Variants in BTBD2 observed in about 807,000 individuals in gnomAD.
BTBD2 encodes the protein BTB domain containing 2, also known as BTB/POZ domain-containing protein 2.
In BTBD2, 15 loss-of-function variants were observed where a neutral mutation model predicts 44.0. That is an observed-to-expected ratio of 0.34 (90% CI 0.23 to 0.53). The LOEUF is 0.53. Ranked by LOEUF, BTBD2 falls within the 20% of genes least tolerant of loss-of-function variation. The probability of loss-of-function intolerance (pLI) is 0.95; values close to 1 mark genes in which losing one functional copy is unlikely to be tolerated. For missense variants in BTBD2, 657 were observed against 746.4 expected (o/e 0.88, Z 1.39); for synonymous variants, 443 against 335.9 (o/e 1.32, Z -3.49).
intron 1 of BTBD2, among the ~76,000 whole-genome samples, chr19:1,997,917 C>G (rs750306216): frequency 2.6e-5 from 4 of 152,184 alleles, no homozygotes; most frequent in Admixed American, 6.5e-5. Context: ...CATATTCATT[C>G]ATTAACTAAT....
At chr19:1,989,619 C>G (rs1599347932) in intron 5 of BTBD2, 3 of 301,894 alleles carry the variant, frequency 9.9e-6, no homozygotes, top group South Asian at 9.8e-5. Context: ...AGCAGGGGAC[C>G]CCAAGGCCCA....
intron 1 of BTBD2, among the ~76,000 whole-genome samples, chr19:2,007,713 C>G (rs1025058862): frequency 3.9e-5 from 6 of 152,116 alleles, no homozygotes; most frequent in Non-Finnish European, 7.4e-5. Flanking sequence ...GTAATCCCAG[C>G]CACTCGGGAG....
chr19:2,006,828 A>T (rs2016400768), intron 1 of BTBD2, among the ~76,000 whole-genome samples: 1 of 152,010 alleles, frequency 6.6e-6, no homozygotes, highest in South Asian at 2.1e-4. Flanking sequence ...AGCTGGGATT[A>T]CAGGTGCTCA....
In BTBD2 at chr19:1,997,328, C is replaced by T; in HGVS notation, c.527+16G>A. On this transcript the variant is annotated intron_variant, in intron 2 of 8. Coordinates refer to ENST00000255608, the MANE Select transcript of BTBD2 (RefSeq NM_017797.4). ...CCAGGCCCAGCTCCCCAGCAGGAAG[C>T]ATCCGGAAGCATTACTTGAGCAGTG... 6.2e-7 allele frequency: 1 copy of T among 1,613,990 alleles called. No individual in the cohort carries two copies. The highest frequency in any genetic ancestry group is 8.5e-7 in the Non-Finnish European group (1 of 1,179,958).
intron 2 of BTBD2, among the ~76,000 whole-genome samples, chr19:1,994,781 T>C (rs1198335002): frequency 6.6e-6 from 1 of 151,868 alleles, no homozygotes; most frequent in Non-Finnish European, 1.5e-5. Context: ...AATAAAAAAA[T>C]ATTTTTTTTC....
At chr19:2,013,519 G>C (rs762636688) in intron 1 of BTBD2, 2 of 986,426 alleles carry the variant, frequency 2.0e-6, no homozygotes, top group Non-Finnish European at 2.4e-6. Context: ...ATGGGGTGCA[G>C]GGGGTAGCAG....
chr19:1,996,523 T>C lies in BTBD2; in HGVS notation c.527+821A>G, dbSNP rs528068948. ...TATTTTTTGTTTGTGTACTCCAGCT[T>C]GGGCAACAGGAGCAAAACTGTCAAA... On this transcript the variant is annotated intron_variant, in intron 2 of 8. Coordinates refer to ENST00000255608, the MANE Select transcript of BTBD2 (RefSeq NM_017797.4). Among the ~76,000 whole-genome samples the C allele has an allele frequency of 4.1e-5, 5 of 123,420 alleles. No individual in the cohort carries two copies. In the South Asian group the frequency reaches 1.2e-3, roughly 30 times the overall value. The allele number at this position is 123,420 out of a possible 152,430, so 81.0% of individuals were successfully genotyped here. A position where few individuals can be genotyped will look rare whatever the true frequency, so the allele number is the denominator to read the frequency against.
chr19:2,012,343 G>A lies in BTBD2; in HGVS notation c.407+2954C>T, dbSNP rs556537299. ...AATTTTTGTATTTTTGTAGAGACAG[G>A]GTTTCACCGTGTTGACCAGGCTGGT... On this transcript the variant is annotated intron_variant, in intron 1 of 8. Transcript: ENST00000255608. Among the ~76,000 whole-genome samples the A allele has an allele frequency of 2.9e-5, 4 of 136,784 alleles. No homozygotes were observed. In the East Asian group the frequency reaches 8.5e-4, roughly 29 times the overall value. 89.7% of individuals were successfully genotyped at this position (136,784 alleles called of 152,430 possible). A position where few individuals can be genotyped will look rare whatever the true frequency, so the allele number is the denominator to read the frequency against.
In BTBD2 at chr19:2,015,552, G is replaced by T. The variant is rs2016524625; in HGVS notation, c.152C>A (p.Ala51Asp). ...AAAAAAAAAA[A>D]AAAPGPTPPA... The stretch of plus-strand genomic sequence containing the variant: ...CGGCGTCGGCCCAGGGGCGGCGGCG[G>T]CGGCGGCGGCGGCGGCGGCGGCGGC... Residue 51 changes from alanine to aspartate, a missense_variant, in exon 1 of 9, where the codon GCC becomes GAC. Around this residue, in one of 3 missense-constraint regions of BTBD2, gnomAD observed 191 missense variants for 188.5 expected, o/e 1.01. Transcript: ENST00000255608. The T allele has an allele frequency of 5.0e-6, 3 of 599,208 alleles. No homozygotes were observed. The highest frequency in any genetic ancestry group is 5.0e-4 in the East Asian group (2 of 4,010). The allele number at this position is 599,208 out of a possible 1,614,324, so 37.1% of individuals were successfully genotyped here.
chr19:2,011,783 AAC>A (rs2016467621), intron 1 of BTBD2, among the ~76,000 whole-genome samples: 1 of 152,006 alleles, frequency 6.6e-6, no homozygotes, highest in African/African-American at 2.4e-5. Flanking sequence ...CCTCAATATG[AAC>A]ACAAGGACAC....
intron 1 of BTBD2, among the ~76,000 whole-genome samples, chr19:2,010,252 G>A (rs2016447436): frequency 6.6e-6 from 1 of 152,208 alleles, no homozygotes; most frequent in African/African-American, 2.4e-5. Context: ...CTCCCTTCAA[G>A]CCCCATGAGA....
intron 1 of BTBD2, among the ~76,000 whole-genome samples, chr19:2,014,931 T>C (rs1480602892): frequency 6.8e-6 from 1 of 147,266 alleles, no homozygotes; most frequent in Non-Finnish European, 1.5e-5. Flanking sequence ...TGGTGGGGTC[T>C]GGGGACAGAG....
intron 2 of BTBD2, among the ~76,000 whole-genome samples, chr19:1,994,144 C>T (rs1482440882): frequency 6.6e-6 from 1 of 150,824 alleles, no homozygotes; most frequent in Non-Finnish European, 1.5e-5. Context: ...TGGCAAAATC[C>T]CCCTCTACTA....
chr19:2,003,351 G>A (rs1568220599), intron 1 of BTBD2: 1 of 152,192 alleles, frequency 6.6e-6, no homozygotes, highest in East Asian at 1.9e-4. Flanking sequence ...GCGTGCACCT[G>A]TAATCCCAGC....
chr19:1,993,562 C>T (rs777072786), intron 2 of BTBD2, among the ~76,000 whole-genome samples: 44 of 152,100 alleles, frequency 2.9e-4, no homozygotes, highest in Admixed American at 2.2e-3. Flanking sequence ...CGGGCACCAC[C>T]GAAAACCTCA....
intron 1 of BTBD2, among the ~76,000 whole-genome samples, chr19:2,012,170 T>A (rs2016474026): frequency 7.2e-6 from 1 of 137,950 alleles, no homozygotes; most frequent in Admixed American, 7.2e-5. Flanking sequence ...TTATTTTTTT[T>A]GAGATGGTGT....
intron 1 of BTBD2, among the ~76,000 whole-genome samples, chr19:2,007,196 G>A (rs34453371): frequency 0.19 from 28,865 of 151,932 alleles, 3,028 homozygotes; most frequent in East Asian, 0.3. Context: ...TCACCATGTT[G>A]GCCAGGCTGG....
chr19:2,000,016 C>A (rs532638826), intron 1 of BTBD2, among the ~76,000 whole-genome samples: 1 of 151,974 alleles, frequency 6.6e-6, no homozygotes, highest in Non-Finnish European at 1.5e-5. Flanking sequence ...AGTGGGCGGC[C>A]GCATGAAGCA....
chr19:1,997,965 A>G (rs1344731069), intron 1 of BTBD2, among the ~76,000 whole-genome samples: 1 of 152,172 alleles, frequency 6.6e-6, no homozygotes, highest in African/African-American at 2.4e-5. Flanking sequence ...ACATGCACTC[A>G]TTCATTCATC....
Sources: allele counts gnomAD v4.1 joint callset (sites outside exome capture counted in the v4.1 genomes callset), GRCh38; gene constraint gnomAD v4.1.1; regional missense constraint gnomAD v4.1.1; transcripts MANE v1.5; gene names NCBI Gene and HGNC (gene_info 2026-07-23, HGNC 2026-07-21).